Variants in CACNA2D3 observed in about 807,000 individuals in gnomAD.
The protein encoded by CACNA2D3 is voltage-dependent calcium channel subunit alpha-2/delta-3.
Under a neutral mutation model 160.6 loss-of-function variants are expected in CACNA2D3, and 60 were observed. The observed-to-expected ratio is 0.37, with a 90% CI of 0.30 to 0.46. The LOEUF is 0.46. Ranked by LOEUF, CACNA2D3 falls within the 20% of genes least tolerant of loss-of-function variation. The probability of loss-of-function intolerance (pLI) is 1.00; values close to 1 mark genes in which losing one functional copy is unlikely to be tolerated. For missense variants in CACNA2D3, 1,205 were observed against 1,365.0 expected (o/e 0.88, Z 1.85); for synonymous variants, 558 against 492.9 (o/e 1.13, Z -1.75).
intron 4 of CACNA2D3, among the ~76,000 whole-genome samples, chr3:54,417,009 C>G (rs1229891294): frequency 1.3e-5 from 2 of 152,152 alleles, no homozygotes; most frequent in Non-Finnish European, 2.9e-5. Context: ...CATGGTATGT[C>G]TTTGGCAGGC....
At chr3:54,724,966 G>T (rs548247529) in intron 11 of CACNA2D3, among the ~76,000 whole-genome samples, 25 of 152,156 alleles carry the variant, frequency 1.6e-4, no homozygotes, top group Admixed American at 1.6e-3. Context: ...CAAAAAATTA[G>T]TGAATCCAGG....
chr3:54,276,432 G>A (rs1459461354), intron 2 of CACNA2D3, among the ~76,000 whole-genome samples: 1 of 152,056 alleles, frequency 6.6e-6, no homozygotes, highest in African/African-American at 2.4e-5. Context: ...AATTAGCCAG[G>A]CGTGGTGGCA....
intron 2 of CACNA2D3, among the ~76,000 whole-genome samples, chr3:54,167,266 A>G (rs1277700908): frequency 6.6e-6 from 1 of 152,136 alleles, no homozygotes; most frequent in African/African-American, 2.4e-5. Context: ...TCCACAGTAA[A>G]TTGTTCTCAG....
At chr3:54,149,956 CCTCT>C (rs1700115444) in intron 2 of CACNA2D3, among the ~76,000 whole-genome samples, 1 of 118,008 alleles carries the variant, frequency 8.5e-6, no homozygotes, top group Admixed American at 8.6e-5. Context: ...TCCCTCCCTC[CCTCT>C]TCCTCCCCCC....
At chr3:54,525,154 T>C (rs1026088816) in intron 5 of CACNA2D3, among the ~76,000 whole-genome samples, 3 of 152,142 alleles carry the variant, frequency 2.0e-5, no homozygotes, top group Middle Eastern at 3.2e-3. Context: ...ATATTAACCT[T>C]ATTTAAAATG....
intron 14 of CACNA2D3, among the ~76,000 whole-genome samples, chr3:54,826,008 AC>A (rs900176865): frequency 1.3e-5 from 2 of 152,208 alleles, no homozygotes; most frequent in African/African-American, 4.8e-5. Flanking sequence ...TTTTTTTGAT[AC>A]AATACAAATC....
At chr3:54,813,903 C>T (rs1197648920) in intron 13 of CACNA2D3, among the ~76,000 whole-genome samples, 19 of 136,566 alleles carry the variant, frequency 1.4e-4, no homozygotes, top group Admixed American at 8.5e-4. Flanking sequence ...CTCACTCTGT[C>T]GCCCAGGCTG....
At chr3:54,262,070 T>C (rs946763050) in intron 2 of CACNA2D3, among the ~76,000 whole-genome samples, 1 of 152,114 alleles carries the variant, frequency 6.6e-6, no homozygotes, top group Non-Finnish European at 1.5e-5. Flanking sequence ...TTGCTGCTGC[T>C]CTCTAAGGAA....
chr3:54,141,086 T>TGCGC (rs3060362), intron 2 of CACNA2D3, among the ~76,000 whole-genome samples: 1 of 119,800 alleles, frequency 8.3e-6, no homozygotes, highest in African/African-American at 3.2e-5. Flanking sequence ...TGTGTGTGTG[T>TGCGC]GCGCGCGCGC....
chr3:54,350,966 C>CGG (rs1559457706), intron 3 of CACNA2D3, among the ~76,000 whole-genome samples: 5 of 63,284 alleles, frequency 7.9e-5, no homozygotes, highest in Non-Finnish European at 1.4e-4. Flanking sequence ...GATCTTGAGT[C>CGG]TGTTTTTTTT....
intron 11 of CACNA2D3, among the ~76,000 whole-genome samples, chr3:54,644,609 T>C (rs1353229823): frequency 6.6e-6 from 1 of 152,184 alleles, no homozygotes; most frequent in Non-Finnish European, 1.5e-5. Context: ...TCTTCAAGAT[T>C]GTAAAAATGG....
intron 4 of CACNA2D3, among the ~76,000 whole-genome samples, chr3:54,500,172 C>T (rs1266946075): frequency 6.6e-6 from 1 of 152,116 alleles, no homozygotes; most frequent in Admixed American, 6.6e-5. Context: ...TGATAATTTT[C>T]CCTGCTCTGA....
intron 13 of CACNA2D3, among the ~76,000 whole-genome samples, chr3:54,783,763 G>A (rs895921024): frequency 1.3e-5 from 2 of 152,084 alleles, no homozygotes; most frequent in African/African-American, 4.8e-5. Flanking sequence ...AGTTCTCTGT[G>A]CTATATTAAA....
intron 2 of CACNA2D3, among the ~76,000 whole-genome samples, chr3:54,298,518 G>T (rs540047679): frequency 2.6e-5 from 4 of 152,348 alleles, no homozygotes; most frequent in Admixed American, 1.3e-4. Flanking sequence ...GAAGGAGTAG[G>T]CCGGGCGCAG....
chr3:54,505,218 A>G (rs1313248697), intron 5 of CACNA2D3, among the ~76,000 whole-genome samples: 1 of 152,152 alleles, frequency 6.6e-6, no homozygotes, highest in African/African-American at 2.4e-5. Context: ...AATCAGATGC[A>G]GCCCCTCCCT....
intron 12 of CACNA2D3, among the ~76,000 whole-genome samples, chr3:54,762,520 G>A (rs1013210378): frequency 3.3e-5 from 5 of 152,220 alleles, no homozygotes; most frequent in Non-Finnish European, 5.9e-5. Context: ...CCCAGGGGGG[G>A]CAGGGGTCTT....
intron 13 of CACNA2D3, among the ~76,000 whole-genome samples, chr3:54,788,400 G>T (rs959698740): frequency 6.6e-6 from 1 of 152,120 alleles, no homozygotes; most frequent in Admixed American, 6.6e-5. Flanking sequence ...ATCTGTCAGG[G>T]CACCCAGACA....
intron 35 of CACNA2D3, among the ~76,000 whole-genome samples, chr3:55,031,615 T>G (rs1195310240): frequency 6.6e-6 from 1 of 152,212 alleles, no homozygotes; most frequent in Admixed American, 6.5e-5. Context: ...GCCCACCTTT[T>G]GGAGCATCTC....
intron 29 of CACNA2D3, among the ~76,000 whole-genome samples, chr3:54,981,419 C>T (rs746254504): frequency 7.2e-5 from 11 of 152,000 alleles, no homozygotes; most frequent in Non-Finnish European, 1.3e-4. Context: ...GATTTTTTAC[C>T]TAACAGAGGA....
Sources: gnomAD v4.1 joint callset for allele counts (sites outside exome capture counted in the v4.1 genomes callset) on GRCh38, gnomAD v4.1.1 for gene constraint, MANE v1.5 for transcripts, NCBI Gene and HGNC (gene_info 2026-07-23, HGNC 2026-07-21) for gene names.